SLC26A4: variants seen among roughly 807,000 people sequenced by gnomAD.
SLC26A4 encodes the protein solute carrier family 26 member 4, also known as pendrin.
Under a neutral mutation model 90.4 loss-of-function variants are expected in SLC26A4, and 93 were observed. The ratio of observed to expected loss-of-function variants is 1.03; its 90% CI spans 0.87 to 1.22. The LOEUF (loss-of-function observed/expected upper bound fraction) is 1.22. Among genes scored for constraint, SLC26A4 ranks in the 50% most tolerant of loss-of-function variants. The pLI, the probability that SLC26A4 is intolerant of heterozygous loss-of-function variation, is 0.00. For missense variants in SLC26A4, 1,127 were observed against 946.2 expected, an observed-to-expected ratio of 1.19 and a Z score of -2.51; for synonymous variants, 393 against 354.6, an observed-to-expected ratio of 1.11 and a Z score of -1.22.
intron 10 of SLC26A4, chr7:107,691,912 G>C: frequency 7.8e-7 from 1 of 1,284,350 alleles, no homozygotes; most frequent in Non-Finnish European, 1.0e-6. Flanking sequence ...ATTTCAGGCT[G>C]CAGCTGTCAG....
At chr7:107,713,788 G>A (rs1792262599) in intron 20 of SLC26A4, among the ~76,000 whole-genome samples, 1 of 152,174 alleles carries the variant, frequency 6.6e-6, no homozygotes, top group African/African-American at 2.4e-5. Context: ...CTATGGTCTA[G>A]TAGAGTTCCC....
chr7:107,698,796 T>G (rs566321710), intron 14 of SLC26A4, among the ~76,000 whole-genome samples: 3 of 152,218 alleles, frequency 2.0e-5, no homozygotes, highest in Non-Finnish European at 4.4e-5. Flanking sequence ...CCTTATTATT[T>G]GACACTTTGC....
At chr7:107,682,351 A>C (rs987880706) in intron 6 of SLC26A4, among the ~76,000 whole-genome samples, 1 of 152,000 alleles carries the variant, frequency 6.6e-6, no homozygotes, top group African/African-American at 2.4e-5. Context: ...AACAGAAAAA[A>C]ACTACAGATT....
At chr7:107,703,748 C>T (rs1182112280) in intron 17 of SLC26A4, among the ~76,000 whole-genome samples, 1 of 152,166 alleles carries the variant, frequency 6.6e-6, no homozygotes, top group Non-Finnish European at 1.5e-5. Flanking sequence ...CTCCATAATT[C>T]TCAAATTCTC....
chr7:107,693,639 C>G (rs1054544151), intron 10 of SLC26A4: 1 of 985,918 alleles, frequency 1.0e-6, no homozygotes. Context: ...TAGTCCCCAC[C>G]CCCTCAGCCT....
chr7:107,705,884 C>A (rs372627456), intron 18 of SLC26A4, among the ~76,000 whole-genome samples: 30 of 152,278 alleles, frequency 2.0e-4, no homozygotes, highest in Admixed American at 4.6e-4. Context: ...AGCATTCTGG[C>A]GAACTCTCTA....
At chr7:107,693,533 C>T (rs1791638589) in intron 10 of SLC26A4, 11 of 985,210 alleles carry the variant, frequency 1.1e-5, no homozygotes, top group Non-Finnish European at 1.3e-5. Context: ...TCCCTGTCTC[C>T]TTTTCTTCTT....
At chr7:107,691,286 G>A (rs1293867852) in intron 10 of SLC26A4, among the ~76,000 whole-genome samples, 1 of 151,994 alleles carries the variant, frequency 6.6e-6, no homozygotes, top group African/African-American at 2.4e-5. Flanking sequence ...CGGATCAATT[G>A]AGGTCAGGAG....
intron 20 of SLC26A4, among the ~76,000 whole-genome samples, chr7:107,713,423 C>T (rs1792247712): frequency 6.6e-6 from 1 of 152,212 alleles, no homozygotes; most frequent in African/African-American, 2.4e-5. Flanking sequence ...TAGTAACCAC[C>T]TAGTGAACTG....
At chr7:107,687,410 G>T (rs148112887) in intron 8 of SLC26A4, among the ~76,000 whole-genome samples, 4 of 152,176 alleles carry the variant, frequency 2.6e-5, no homozygotes, top group Non-Finnish European at 5.9e-5. Context: ...TGAGTGGCAG[G>T]AGTATGACAG....
chr7:107,666,811 G>C (rs1164517183), intron 3 of SLC26A4, among the ~76,000 whole-genome samples: 3 of 152,062 alleles, frequency 2.0e-5, no homozygotes, highest in African/African-American at 7.2e-5. Context: ...TCACTCTCAG[G>C]ATGCCTCTTT....
chr7:107,705,920 T>G (rs1030371997), intron 18 of SLC26A4, among the ~76,000 whole-genome samples: 3 of 152,232 alleles, frequency 2.0e-5, no homozygotes, highest in Non-Finnish European at 2.9e-5. Flanking sequence ...AAGCATGAGA[T>G]TCATCTCTTG....
At chr7:107,675,260 G>A in intron 6 of SLC26A4, 151 bp downstream of exon 6, 1 of 504,616 alleles carries the variant, frequency 2.0e-6, no homozygotes, top group Non-Finnish European at 3.7e-6. Context: ...GAGCCCAGGA[G>A]TTTGAGACGT....
intron 18 of SLC26A4, 37 bp from the exon 19 acceptor site, chr7:107,710,017 C>T (rs1318272013): frequency 1.2e-5 from 19 of 1,594,496 alleles, no homozygotes; most frequent in Non-Finnish European, 1.6e-5. Context: ...ATTTCTTTTC[C>T]TAGGAACTAA....
intron 3 of SLC26A4, 152 bp from the exon 4 acceptor site, chr7:107,671,986 G>A: frequency 1.5e-6 from 1 of 666,222 alleles, no homozygotes; most frequent in Non-Finnish European, 2.8e-6. Flanking sequence ...CAGAATGGTT[G>A]TATGGTTACT....
Position 107,715,752 on chromosome 7 carries a change from T to C in SLC26A4, c.*306T>C, listed in dbSNP as rs1404667723. 4.4e-6 allele frequency: 2 copies of C among 454,156 alleles called. No homozygotes were observed. The highest frequency in any genetic ancestry group is 8.0e-6 in the Non-Finnish European group (2 of 248,562). The allele number at this position is 454,156 out of a possible 1,614,324, so 28.1% of individuals were successfully genotyped here. ...GGGCCCTGGCATATCTCTGTTCAGT[T>C]AGAGTGAGTGCTGACCCAACAGCCT... On this transcript the variant is annotated 3_prime_UTR_variant, in exon 21 of 21. Coordinates refer to ENST00000644269, the MANE Select transcript of SLC26A4 (RefSeq NM_000441.2).
At chr7:107,686,308 C>CCCTCCCTTTCCTACCTGCACTCCCTTT (rs1791402832) in intron 8 of SLC26A4, among the ~76,000 whole-genome samples, 2 of 132,420 alleles carry the variant, frequency 1.5e-5, no homozygotes, top group Non-Finnish European at 3.2e-5. Context: ...TCCCTCCCTT[C>CCCTCCCTTTCCTACCTGCACTCCCTTT]CCTCCCTTCC....
In SLC26A4 at chr7:107,701,980, G is replaced by C. The variant is rs1554361014; in HGVS notation, c.1957G>C (p.Val653Leu). 8 of 1,614,086 alleles carry C rather than the reference G, an allele frequency of 5.0e-6. No homozygotes were observed. The highest frequency in any genetic ancestry group is 1.7e-5 in the Admixed American group (1 of 60,022). Residue 653 changes from valine to leucine, a missense_variant, in exon 17 of 21, where the codon GTG (valine) becomes CTG (leucine). By Grantham distance (32) the Val-to-Leu change is conservative (BLOSUM62 1). Coordinates refer to ENST00000644269, the MANE Select transcript of SLC26A4 (RefSeq NM_000441.2). The part of the protein sequence containing the change: ...ELPVKVNVPK[V>L]PIHSLVLDCG... ...TCCAGTCAAAGTGAACGTTCCCAAAGTGCCAATCCATAGCCTTGTGCTTGA... is the reference window on the plus strand; with the variant it reads ...TCCAGTCAAAGTGAACGTTCCCAAACTGCCAATCCATAGCCTTGTGCTTGA...
In SLC26A4 at chr7:107,674,948, A is replaced by T; in HGVS notation, c.604A>T (p.Ile202Leu). 1 of 1,613,864 alleles carries T rather than the reference A, an allele frequency of 6.2e-7. No homozygotes were observed. The highest frequency in any genetic ancestry group is 8.5e-7 in the Non-Finnish European group (1 of 1,179,922). ...LTLLVGIIQL[I>L]FGGLQIGFIV... Reference sequence around the variant, plus strand: ...TCTTTCCTTTTCCTTATCGTAGTTGATATTTGGTGGCTTGCAGATTGGATT... The same window carrying T: ...TCTTTCCTTTTCCTTATCGTAGTTGTTATTTGGTGGCTTGCAGATTGGATT... Residue 202 changes from isoleucine (I) to leucine (L), a missense_variant, in exon 6 of 21, where the codon ATA becomes TTA. Coordinates refer to ENST00000644269, the MANE Select transcript of SLC26A4 (RefSeq NM_000441.2).
Sources: allele counts gnomAD v4.1 joint callset (sites outside exome capture counted in the v4.1 genomes callset), GRCh38; gene constraint gnomAD v4.1.1; transcripts MANE v1.5; gene names NCBI Gene and HGNC (gene_info 2026-07-23, HGNC 2026-07-21).